Variants in UMAD1 observed in about 807,000 individuals in gnomAD.
UMAD1 encodes UBAP1-MVB12-associated (UMA) domain containing 1, also known as UBAP1-MVB12-associated (UMA)-domain containing protein 1.
A neutral mutation model predicts 6.1 loss-of-function variants in UMAD1; 8 were observed. That is an observed-to-expected ratio of 1.30 (90% CI 0.76 to 2.35). UMAD1 has a LOEUF of 2.35. Ranked by LOEUF, UMAD1 falls within the 30% of genes most tolerant of loss-of-function variation. UMAD1 has a pLI of 0.00. For synonymous variants in UMAD1, 56 were observed against 31.4 expected (o/e 1.78, Z -2.61); for missense variants, 130 against 78.4 (o/e 1.66, Z -2.49).
chr7:7,790,793 C>A (rs1444537071), intron 2 of UMAD1, among the ~76,000 whole-genome samples: 5 of 152,206 alleles, frequency 3.3e-5, no homozygotes, highest in African/African-American at 1.2e-4. Context: ...TGAAACTGAA[C>A]TCTGTCTTCA....
In UMAD1 at chr7:7,670,612, A is replaced by G. The variant is rs1186963253; in HGVS notation, c.-63-2697A>G. On this transcript the variant is annotated intron_variant, in intron 1 of 3. Coordinates refer to ENST00000682710, the MANE Select transcript of UMAD1 (RefSeq NM_001302348.2). ...GTCTGTCTCATTGCCCCATTCAGAT[A>G]TAGCATCATGCTCAAAGTTCAGTGC... 2.6e-5 allele frequency among the ~76,000 whole-genome samples: 4 copies of G among 152,224 alleles called. No individual in the cohort carries two copies. The East Asian group carries it at 5.8e-4, about 22-fold the overall frequency.
rs1783500773 is a variant in UMAD1, at chr7:7,833,360, T to C, written c.156+31617T>C. Among the ~76,000 whole-genome samples, 3 of 152,142 alleles carry C rather than the reference T, an allele frequency of 2.0e-5. No homozygotes were observed. The South Asian group carries it at 6.2e-4, about 32-fold the overall frequency. Reference sequence around the variant, plus strand: ...GTTACTACACACATGAGGCATACTGTGGTGTTAGTATTTCTTGATATCGGC... The same window carrying C: ...GTTACTACACACATGAGGCATACTGCGGTGTTAGTATTTCTTGATATCGGC... On this transcript the variant is annotated intron_variant, in intron 3 of 3. Transcript: ENST00000682710.
intron 2 of UMAD1, chr7:7,741,102 A>G (rs1434309250): frequency 1.3e-5 from 2 of 152,210 alleles, no homozygotes; most frequent in Non-Finnish European, 2.9e-5. Context: ...CGTAGCTAAT[A>G]GCATGGCAGT....
intron 2 of UMAD1, among the ~76,000 whole-genome samples, chr7:7,728,972 C>T (rs143139561): frequency 4.6e-5 from 7 of 152,228 alleles, no homozygotes; most frequent in Non-Finnish European, 7.4e-5. Context: ...TATACGACAA[C>T]CTAAATAAGT....
rs373546623 is a variant in UMAD1 at position 7,876,866 on chromosome 7, T to TA, written c.157-414dup. On this transcript the variant is annotated intron_variant, in intron 3 of 3. Transcript: ENST00000682710. ...ATATAGGCAACACCAAATAACATCT[T>TA]AGGCAATTTGCCCCATAAGCATTCT... is the stretch of plus-strand genomic sequence containing the variant. Among the ~76,000 whole-genome samples the TA allele has an allele frequency of 4.6e-5, 7 of 152,304 alleles. 1 individual carries two copies. Among genetic ancestry groups the TA allele is most frequent in the African/African-American group, 1.7e-4 (7 of 41,554 alleles).
chr7:7,717,168 C>A (rs551603270), intron 2 of UMAD1, among the ~76,000 whole-genome samples: 24 of 150,996 alleles, frequency 1.6e-4, no homozygotes, highest in Non-Finnish European at 1.5e-5. Flanking sequence ...GCGATTCTCT[C>A]ACCTCTGCCT....
At chr7:7,765,016 T>A (rs1180722502) in intron 2 of UMAD1, among the ~76,000 whole-genome samples, 3 of 151,888 alleles carry the variant, frequency 2.0e-5, no homozygotes, top group East Asian at 1.9e-4. Context: ...TTTTTTTTTT[T>A]AAAGGACATA....
At chr7:7,717,079 C>T (rs527474659) in intron 2 of UMAD1, among the ~76,000 whole-genome samples, 4 of 136,812 alleles carry the variant, frequency 2.9e-5, no homozygotes, top group Admixed American at 1.4e-4. Flanking sequence ...TTTTTTGAGA[C>T]GGAGTCTTGG....
chr7:7,835,960 T>A (rs1447296636), intron 3 of UMAD1, among the ~76,000 whole-genome samples: 4 of 152,050 alleles, frequency 2.6e-5, no homozygotes, highest in Non-Finnish European at 4.4e-5. Context: ...AATCTAAATT[T>A]TGCCTTTTTA....
chr7:7,796,589 A>C (rs1782688143), intron 2 of UMAD1, among the ~76,000 whole-genome samples: 1 of 152,118 alleles, frequency 6.6e-6, no homozygotes, highest in South Asian at 2.1e-4. Flanking sequence ...GTAACACCAG[A>C]TACTGACCAT....
At chr7:7,802,392 A>G (rs1782821844) in intron 3 of UMAD1, among the ~76,000 whole-genome samples, 1 of 146,058 alleles carries the variant, frequency 6.8e-6, no homozygotes, top group Admixed American at 6.8e-5. Context: ...AAAAAAAAAA[A>G]ATCCATTCAA....
chr7:7,707,216 G>T (rs1000282701), intron 2 of UMAD1, among the ~76,000 whole-genome samples: 1 of 152,126 alleles, frequency 6.6e-6, no homozygotes, highest in Non-Finnish European at 1.5e-5. Context: ...GTACAGCAAA[G>T]ATTATATTCA....
At chr7:7,731,080 C>T (rs889625145) in intron 2 of UMAD1, among the ~76,000 whole-genome samples, 4 of 152,152 alleles carry the variant, frequency 2.6e-5, no homozygotes, top group Non-Finnish European at 5.9e-5. Flanking sequence ...CTCATTGCAA[C>T]CTCCGCCTCC....
chr7:7,769,183 T>C (rs1301147108), intron 2 of UMAD1, among the ~76,000 whole-genome samples: 2 of 152,228 alleles, frequency 1.3e-5, no homozygotes, highest in African/African-American at 4.8e-5. Context: ...ATTTGTCTTT[T>C]AGGGTAACAT....
chr7:7,681,942 A>T (rs1421392295), intron 2 of UMAD1, among the ~76,000 whole-genome samples: 2 of 152,194 alleles, frequency 1.3e-5, no homozygotes, highest in Admixed American at 6.5e-5. Flanking sequence ...TTATAGCAAA[A>T]AGAAGGAAAA....
Position 7,677,663 on chromosome 7 carries a change from TG to T in UMAD1, c.82+4211del, listed in dbSNP as rs1352505590. Among the ~76,000 whole-genome samples the T allele has an allele frequency of 1.6e-3, 50 of 32,154 alleles. 1 individual carries two copies. In the East Asian group the frequency reaches 0.033, roughly 21 times the overall value. 21.1% of individuals were successfully genotyped at this position (32,154 alleles called of 152,430 possible). A position where few individuals can be genotyped will look rare whatever the true frequency, so the allele number is the denominator to read the frequency against. On this transcript the variant is annotated intron_variant, in intron 2 of 3. Transcript: ENST00000682710. ...TTCTTTATCTATTCATCTGTTTTTT[TG>T]TTTTTTTTTTTTTTTTTTTTTTTTT...
At chr7:7,737,530 C>T (rs1240546810) in intron 2 of UMAD1, among the ~76,000 whole-genome samples, 1 of 151,188 alleles carries the variant, frequency 6.6e-6, no homozygotes, top group Non-Finnish European at 1.5e-5. Context: ...AGAAAACAAA[C>T]TACTGCCACA....
chr7:7,696,274 A>T (rs1048024619), intron 2 of UMAD1, among the ~76,000 whole-genome samples: 5 of 151,484 alleles, frequency 3.3e-5, no homozygotes, highest in Admixed American at 3.3e-4. Flanking sequence ...TCTTTTAGCC[A>T]AAGTTGGTAA....
intron 2 of UMAD1, among the ~76,000 whole-genome samples, chr7:7,691,611 A>G (rs1433823527): frequency 1.3e-5 from 2 of 152,238 alleles, no homozygotes; most frequent in Non-Finnish European, 1.5e-5. Flanking sequence ...TTGCTGGGGC[A>G]TAGATTCTCT....
Sources: allele counts gnomAD v4.1 joint callset (sites outside exome capture counted in the v4.1 genomes callset), GRCh38; gene constraint gnomAD v4.1.1; transcripts MANE v1.5; gene names NCBI Gene and HGNC (gene_info 2026-07-23, HGNC 2026-07-21).